CFDP1: variants seen among roughly 807,000 people sequenced by gnomAD.
The protein encoded by CFDP1 is heterochromatin-stabilizing protein CFDP1.
A neutral mutation model predicts 40.1 loss-of-function variants in CFDP1; 31 were observed. That is an observed-to-expected ratio of 0.77 (90% CI 0.58 to 1.04). The LOEUF is 1.04. CFDP1 is among the 50% of genes least tolerant of loss of function. The pLI is 0.00. For missense variants in CFDP1, 423 were observed against 343.4 expected, an observed-to-expected ratio of 1.23 and a Z score of -1.83; for synonymous variants, 167 against 120.0, an observed-to-expected ratio of 1.39 and a Z score of -2.56.
At chr16:75,359,684 A>G (rs2078669742) in intron 5 of CFDP1, among the ~76,000 whole-genome samples, 1 of 152,112 alleles carries the variant, frequency 6.6e-6, no homozygotes, top group Admixed American at 6.5e-5. Flanking sequence ...CCCACCTTCT[A>G]TCAGATTCTA....
chr16:75,392,392 G>A (rs954720689), intron 5 of CFDP1, among the ~76,000 whole-genome samples: 5 of 150,804 alleles, frequency 3.3e-5, no homozygotes, highest in African/African-American at 9.7e-5. Context: ...GAAACAGTGC[G>A]AGACTCCAAC....
rs191969106 is a variant in CFDP1 at position 75,399,128 on chromosome 16, G to A, written c.531-3919C>T. Among the ~76,000 whole-genome samples the A allele has an allele frequency of 5.3e-5, 8 of 150,740 alleles. No homozygotes were observed. The South Asian group carries it at 1.7e-3, about 32-fold the overall frequency. ...ACTTAGCCACTGTCTGATTACAACT[G>A]TACAAGAGACCCTGAGTAAGAACTG... On this transcript the variant is annotated intron_variant, in intron 4 of 6. Transcript: ENST00000283882.
chr16:75,415,314 C>T (rs1278363397), intron 1 of CFDP1, among the ~76,000 whole-genome samples: 1 of 152,190 alleles, frequency 6.6e-6, no homozygotes, highest in East Asian at 1.9e-4. Flanking sequence ...AATAAACCAA[C>T]CCTGCCCACA....
chr16:75,432,573 T>G (rs1347544180), intron 1 of CFDP1, among the ~76,000 whole-genome samples: 1 of 151,824 alleles, frequency 6.6e-6, no homozygotes, highest in Non-Finnish European at 1.5e-5. Flanking sequence ...CAGAACAAAG[T>G]AAAACAAAGA....
At chr16:75,430,612 C>T (rs143588004) in intron 1 of CFDP1, among the ~76,000 whole-genome samples, 2,860 of 152,078 alleles carry the variant, frequency 0.019, 73 homozygotes, top group Middle Eastern at 0.11. Context: ...TACAGGCGCC[C>T]GTCACCACAC....
chr16:75,386,161 G>A (rs1344478928), intron 5 of CFDP1, among the ~76,000 whole-genome samples: 1 of 152,078 alleles, frequency 6.6e-6, no homozygotes, highest in Non-Finnish European at 1.5e-5. Context: ...TTGTGATCCT[G>A]ATAGACATCT....
intron 1 of CFDP1, among the ~76,000 whole-genome samples, chr16:75,432,984 T>C (rs982240119): frequency 9.9e-5 from 15 of 152,134 alleles, no homozygotes; most frequent in African/African-American, 3.6e-4. Context: ...GAAGCAGCGG[T>C]GTCGTTCGGG....
In CFDP1 at chr16:75,300,139, A is replaced by G. The variant is rs137979864; in HGVS notation, c.809+4885T>C. Among the ~76,000 whole-genome samples the G allele has an allele frequency of 3.9e-4, 60 of 152,326 alleles. No homozygotes were observed. The Middle Eastern group carries it at 0.01, about 26-fold the overall frequency. On this transcript the variant is annotated intron_variant, in intron 6 of 6. Transcript: ENST00000283882. ...ATGGATGAAAGGGTACAGAGGTAGA[A>G]GCAGGGAGCGGAGCAGATGTCTGCG...
At chr16:75,375,033 C>T (rs1378314466) in intron 5 of CFDP1, among the ~76,000 whole-genome samples, 5 of 148,172 alleles carry the variant, frequency 3.4e-5, no homozygotes, top group African/African-American at 1.2e-4. Context: ...TAGAAGAACA[C>T]GCATATATTG....
intron 3 of CFDP1, 36 bp downstream of exon 3, chr16:75,412,499 T>C (rs1283175541): frequency 6.7e-7 from 1 of 1,489,568 alleles, no homozygotes; most frequent in Non-Finnish European, 9.4e-7. Context: ...AGGGTATTTC[T>C]GGAGAGGCAT....
intron 5 of CFDP1, among the ~76,000 whole-genome samples, chr16:75,367,226 A>AT (rs1177244334): frequency 1.3e-5 from 2 of 151,658 alleles, no homozygotes; most frequent in African/African-American, 4.8e-5. Context: ...ATTTGGATGA[A>AT]TTTTATGGTA....
chr16:75,304,074 C>T (rs1049356673), intron 6 of CFDP1, among the ~76,000 whole-genome samples: 1 of 150,954 alleles, frequency 6.6e-6, no homozygotes, highest in Admixed American at 6.6e-5. Context: ...CTCTCTCTCT[C>T]TCTTTCTTTC....
chr16:75,395,033 C>T, intron 5 of CFDP1, 57 bp downstream of exon 5: 3 of 1,604,554 alleles, frequency 1.9e-6, no homozygotes, highest in East Asian at 2.2e-5. Context: ...TAGGTATTTG[C>T]ACTGAAAGCT....
intron 5 of CFDP1, among the ~76,000 whole-genome samples, chr16:75,337,064 C>T (rs1217906256): frequency 2.0e-5 from 3 of 152,090 alleles, no homozygotes; most frequent in Non-Finnish European, 2.9e-5. Flanking sequence ...CTCTGCCATG[C>T]ACAAGTTTTT....
intron 5 of CFDP1, among the ~76,000 whole-genome samples, chr16:75,324,192 TAA>T (rs1343087383): frequency 1.3e-5 from 2 of 151,844 alleles, no homozygotes; most frequent in Non-Finnish European, 2.9e-5. Context: ...CAGTAGAGCA[TAA>T]GAGTCTGAGA....
chr16:75,309,137 C>T (rs1900829734), intron 5 of CFDP1, among the ~76,000 whole-genome samples: 1 of 152,218 alleles, frequency 6.6e-6, no homozygotes. Flanking sequence ...GCAGCTTCTT[C>T]CTAGAACCTG....
Position 75,411,968 on chromosome 16 carries a change from G to C in CFDP1, c.403-16C>G. ...CCTCTCCTTTCTATAAAAAAAACAA[G>C]AAATGTAATGTTTCACCAAAAGATG... is the stretch of plus-strand genomic sequence containing the variant. On this transcript the variant is annotated splice_polypyrimidine_tract_variant and intron_variant, in intron 3 of 6. Transcript: ENST00000283882. The C allele has an allele frequency of 6.3e-7, 1 of 1,578,052 alleles. No individual in the cohort carries two copies. Among genetic ancestry groups the C allele is most frequent in the South Asian group, 1.2e-5 (1 of 84,622 alleles).
At chr16:75,422,339 C>T (rs559965321) in intron 1 of CFDP1, among the ~76,000 whole-genome samples, 2 of 152,028 alleles carry the variant, frequency 1.3e-5, no homozygotes, top group African/African-American at 4.8e-5. Context: ...TCGTGATCCA[C>T]CTGCCTCGAC....
intron 5 of CFDP1, among the ~76,000 whole-genome samples, chr16:75,393,939 C>T (rs1420767177): frequency 6.6e-6 from 1 of 151,606 alleles, no homozygotes; most frequent in Non-Finnish European, 1.5e-5. Context: ...CCTGTAGTCC[C>T]AGCTACTCAG....
Sources: gnomAD v4.1 joint callset for allele counts (sites outside exome capture counted in the v4.1 genomes callset) on GRCh38, gnomAD v4.1.1 for gene constraint, MANE v1.5 for transcripts, NCBI Gene and HGNC (gene_info 2026-07-23, HGNC 2026-07-21) for gene names.